The following INTS7 variants were observed in gnomAD, a reference collection of about 807,000 sequenced individuals.
INTS7 encodes chromosome 1 open reading frame 73.
INTS7 carries 46 observed loss-of-function variants against 109.2 expected under a neutral mutation model. That is an observed-to-expected ratio of 0.42 (90% CI 0.33 to 0.54). INTS7 has a LOEUF of 0.54. Ranked by LOEUF, INTS7 falls within the 20% of genes least tolerant of loss-of-function variation. The pLI is 0.07. For synonymous variants in INTS7, 412 were observed against 402.9 expected (o/e 1.02, Z -0.27); for missense variants, 929 against 1,132.4 (o/e 0.82, Z 2.58).
chr1:211,953,577 A>T (rs1342861408), intron 16 of INTS7, among the ~76,000 whole-genome samples: 4 of 121,574 alleles, frequency 3.3e-5, no homozygotes, highest in Admixed American at 1.0e-4. Flanking sequence ...CAGTCCCTAG[A>T]GTGTGATGTT....
In INTS7 at chr1:211,959,095, A is replaced by G. The variant is rs561655380; in HGVS notation, c.2184-6394T>C. On this transcript the variant is annotated intron_variant, in intron 16 of 19. Coordinates refer to ENST00000366994, the MANE Select transcript of INTS7 (RefSeq NM_015434.4). The surrounding 1 kb of genome is among the most constrained non-coding windows in gnomAD (Gnocchi z 4.2). The stretch of plus-strand genomic sequence containing the variant: ...CCTGGCAGGAGATTCCTCGACCACT[A>G]TGGACACTTGAGTTGGCACAGAGGG... Among the ~76,000 whole-genome samples the G allele has an allele frequency of 8.5e-5, 13 of 152,232 alleles. 2 individuals carry two copies. The highest frequency in any genetic ancestry group is 3.4e-3 in the Middle Eastern group (1 of 294).
intron 1 of INTS7, among the ~76,000 whole-genome samples, chr1:212,026,559 T>C (rs1346555265): frequency 8.5e-6 from 1 of 117,518 alleles, no homozygotes; most frequent in Admixed American, 8.5e-5. Context: ...TAGCTGGCAG[T>C]GTGGCTCATG....
chr1:212,022,825 G>T (rs1558058947), intron 1 of INTS7, among the ~76,000 whole-genome samples: 1 of 152,034 alleles, frequency 6.6e-6, no homozygotes, highest in Non-Finnish European at 1.5e-5. Flanking sequence ...TGAAGTCTGG[G>T]GTACGCATGA....
chr1:211,965,010 TAAAC>T (rs1212890018), intron 16 of INTS7, among the ~76,000 whole-genome samples: 3 of 152,188 alleles, frequency 2.0e-5, no homozygotes, highest in South Asian at 2.1e-4. Flanking sequence ...ATCCACAGAT[TAAAC>T]AAACAACCTA....
At chr1:211,968,737 A>C (rs1027584772) in intron 13 of INTS7, 30 bp from the exon 14 acceptor site, 1 of 1,567,552 alleles carries the variant, frequency 6.4e-7, no homozygotes, top group East Asian at 2.2e-5. Flanking sequence ...GAGATATTTA[A>C]GACAAAGTAA....
At chr1:211,991,373 T>C (rs573698946) in intron 7 of INTS7, among the ~76,000 whole-genome samples, 10 of 152,292 alleles carry the variant, frequency 6.6e-5, no homozygotes, top group African/African-American at 2.4e-4. Flanking sequence ...AACTTCTTTG[T>C]CTGTAAAATG....
chr1:211,989,390 T>TA (rs1665044391), intron 7 of INTS7, among the ~76,000 whole-genome samples: 2 of 151,696 alleles, frequency 1.3e-5, no homozygotes, highest in South Asian at 4.1e-4. Flanking sequence ...TTTTTTTTTT[T>TA]ATGGCAAATA....
At chr1:212,006,071 TAAAC>T (rs1665895010) in intron 7 of INTS7, among the ~76,000 whole-genome samples, 1 of 152,144 alleles carries the variant, frequency 6.6e-6, no homozygotes, top group Non-Finnish European at 1.5e-5. Flanking sequence ...CGGTAATGGG[TAAAC>T]AAACAGGGTT....
intron 1 of INTS7, among the ~76,000 whole-genome samples, chr1:212,034,541 G>A (rs902809046): frequency 6.6e-6 from 1 of 152,236 alleles, no homozygotes; most frequent in Non-Finnish European, 1.5e-5. Context: ...TGAAATAAAG[G>A]TTTCATATTA....
chr1:211,955,289 T>C (rs536601027), intron 16 of INTS7, among the ~76,000 whole-genome samples: 1 of 152,328 alleles, frequency 6.6e-6, no homozygotes, highest in South Asian at 2.1e-4. Flanking sequence ...TAAGGAGATT[T>C]TGGGCTGAGA....
chr1:211,986,540 T>C (rs3010001), intron 8 of INTS7, among the ~76,000 whole-genome samples: 7,009 of 152,176 alleles, frequency 0.046, 226 homozygotes, highest in African/African-American at 0.084. Flanking sequence ...CAAAAGACCA[T>C]GCATGGAATT....
At chr1:211,970,277 AC>A (rs1664114058) in intron 13 of INTS7, among the ~76,000 whole-genome samples, 2 of 152,194 alleles carry the variant, frequency 1.3e-5, no homozygotes, top group Non-Finnish European at 2.9e-5. Flanking sequence ...TGGGCAGAGA[AC>A]TAAGAAAACC....
intron 1 of INTS7, among the ~76,000 whole-genome samples, chr1:212,032,545 C>G (rs1015169361): frequency 6.7e-6 from 1 of 150,104 alleles, no homozygotes; most frequent in South Asian, 2.1e-4. Context: ...GGTGTGATCT[C>G]GGCTCACTGG....
chr1:211,968,726 A>G lies in INTS7; in HGVS notation c.1816-19T>C. ...TAGCTGCCTGGGAAAAAAAAAAAAA[A>G]GAGATATTTAAGACAAAGTAAACAG... On this transcript the variant is annotated intron_variant, in intron 13 of 19. Coordinates refer to ENST00000366994, the MANE Select transcript of INTS7 (RefSeq NM_015434.4). 7.5e-7 allele frequency: 1 copy of G among 1,341,092 alleles called. No homozygotes were observed. The highest frequency in any genetic ancestry group is 1.1e-6 in the Non-Finnish European group (1 of 946,450). 83.1% of individuals were successfully genotyped at this position (1,341,092 alleles called of 1,614,324 possible).
chr1:211,966,649 T>C, intron 15 of INTS7, 151 bp from the exon 16 acceptor site: 2 of 576,284 alleles, frequency 3.5e-6, no homozygotes, highest in Admixed American at 6.4e-5. Context: ...CTCTACCTTT[T>C]CTTTTTAAGG....
intron 7 of INTS7, among the ~76,000 whole-genome samples, chr1:211,999,044 A>G (rs1665540661): frequency 6.6e-6 from 1 of 152,204 alleles, no homozygotes; most frequent in Non-Finnish European, 1.5e-5. Context: ...GGTAAGTAAA[A>G]TGGTATCGCA....
intron 8 of INTS7, among the ~76,000 whole-genome samples, chr1:211,986,164 C>T (rs1305561761): frequency 6.6e-6 from 1 of 152,082 alleles, no homozygotes; most frequent in Non-Finnish European, 1.5e-5. Context: ...CCCAAGTTAG[C>T]CCACCAAGAG....
At chr1:211,944,593 A>T (rs1335426189) in intron 19 of INTS7, among the ~76,000 whole-genome samples, 191 bp downstream of exon 19, 1 of 152,220 alleles carries the variant, frequency 6.6e-6, no homozygotes, top group Non-Finnish European at 1.5e-5. Flanking sequence ...TGTCTCTATC[A>T]ACTGGTTCAG....
chr1:211,997,250 A>T (rs1043244901), intron 7 of INTS7, among the ~76,000 whole-genome samples: 3 of 152,128 alleles, frequency 2.0e-5, no homozygotes, highest in Non-Finnish European at 4.4e-5. Flanking sequence ...AGCTGAAAAA[A>T]AAGAGAGAGA....
Sources: gnomAD v4.1 joint callset for allele counts (sites outside exome capture counted in the v4.1 genomes callset) on GRCh38, gnomAD v4.1.1 for gene constraint, Gnocchi (gnomAD v3.1) non-coding constraint, MANE v1.5 for transcripts, NCBI Gene and HGNC (gene_info 2026-07-23, HGNC 2026-07-21) for gene names.